Variants in KCNJ16 observed in about 807,000 individuals in gnomAD.
KCNJ16 encodes potassium inwardly rectifying channel subfamily J member 16, also known as inward rectifier potassium channel 16.
In KCNJ16, 15 loss-of-function variants were observed where a neutral mutation model predicts 18.5. The ratio of observed to expected loss-of-function variants is 0.81; its 90% CI spans 0.54 to 1.25. The LOEUF (loss-of-function observed/expected upper bound fraction) is 1.25. KCNJ16 is among the 50% of genes most tolerant of loss of function. The pLI, the probability that KCNJ16 is intolerant of heterozygous loss-of-function variation, is 0.00. For synonymous variants in KCNJ16, 174 were observed against 186.5 expected, an observed-to-expected ratio of 0.93 and a Z score of 0.55; for missense variants, 523 against 525.7, an observed-to-expected ratio of 0.99 and a Z score of 0.05.
intron 2 of KCNJ16, chr17:70,102,322 G>A (rs755412946): frequency 7.2e-6 from 1 of 138,160 alleles, no homozygotes; most frequent in Non-Finnish European, 1.5e-5. Flanking sequence ...CTGCCTCCCC[G>A]GTTCAAGCAA....
intron 1 of KCNJ16, among the ~76,000 whole-genome samples, chr17:70,076,546 A>G (rs1386326204): frequency 6.6e-6 from 1 of 152,210 alleles, no homozygotes; most frequent in African/African-American, 2.4e-5. Flanking sequence ...GATAAATCTA[A>G]GATTATTAGT....
Position 70,132,278 on chromosome 17 carries a change from C to T in KCNJ16, c.191C>T (p.Thr64Ile), listed in dbSNP as rs1362013257. The T allele has an allele frequency of 1.2e-6, 2 of 1,614,220 alleles. No homozygotes were observed. The highest frequency in any genetic ancestry group is 1.7e-6 in the Non-Finnish European group (2 of 1,180,034). ...AGCTATGTGGTTGACATCTTCACCA[C>T]TCTTGTGGACACCAAGTGGCGCCAT... ...WGSYVVDIFT[T>I]LVDTKWRHMF... The change falls in exon 4 of 4, where the codon ACT becomes ATT. Residue 64 changes from threonine (T) to isoleucine (I), a missense_variant. By Grantham distance (89) the Thr-to-Ile change is moderately conservative. Transcript: ENST00000392671.
Position 70,084,441 on chromosome 17 carries a change from T to G in KCNJ16, c.-300+9051T>G, listed in dbSNP as rs949069188. ...CTTCTTTAACACACATAAAATGAGA[T>G]TAATACACACAAACGAGCTTTGGAA... On this transcript the variant is annotated intron_variant, in intron 1 of 3. Transcript: ENST00000392671. 2.0e-5 allele frequency among the ~76,000 whole-genome samples: 3 copies of G among 152,162 alleles called. No individual in the cohort carries two copies. The South Asian group carries it at 6.2e-4, about 32-fold the overall frequency.
At chr17:70,113,056 C>CA (rs11414200) in intron 2 of KCNJ16, among the ~76,000 whole-genome samples, 1,861 of 152,216 alleles carry the variant, frequency 0.012, 43 homozygotes, top group African/African-American at 0.041. Context: ...TTCAAGGGAA[C>CA]AAAAAATCAG....
intron 2 of KCNJ16, among the ~76,000 whole-genome samples, chr17:70,103,574 C>T (rs1165355559): frequency 6.6e-6 from 1 of 151,982 alleles, no homozygotes; most frequent in Non-Finnish European, 1.5e-5. Context: ...ATAGCCTCCT[C>T]ATTTTCCCAG....
intron 2 of KCNJ16, among the ~76,000 whole-genome samples, chr17:70,129,068 C>CT (rs1261998208): frequency 6.6e-6 from 1 of 152,188 alleles, no homozygotes; most frequent in Non-Finnish European, 1.5e-5. Flanking sequence ...GGTCTTGAGC[C>CT]TTGGGACTGG....
intron 2 of KCNJ16, among the ~76,000 whole-genome samples, chr17:70,114,163 G>A (rs2073306451): frequency 6.6e-6 from 1 of 152,070 alleles, no homozygotes; most frequent in Admixed American, 6.6e-5. Flanking sequence ...AAGATGTCCT[G>A]AATTTTCATT....
chr17:70,130,911 T>G lies in KCNJ16; in HGVS notation c.-158T>G. 1 of 1,510,508 alleles carries G rather than the reference T, an allele frequency of 6.6e-7. No individual in the cohort carries two copies. The highest frequency in any genetic ancestry group is 1.2e-5 in the South Asian group (1 of 83,470). The allele number at this position is 1,510,508 out of a possible 1,614,324, so 93.6% of individuals were successfully genotyped here. A position where few individuals can be genotyped will look rare whatever the true frequency, so the allele number is the denominator to read the frequency against. ...TCAAGATGATTTTGATGTTGCAGTT[T>G]TAAATTTCACTTTGACTTGAGCTGG... On this transcript the variant is annotated 5_prime_UTR_variant, in exon 3 of 4. Coordinates refer to ENST00000392671, the MANE Select transcript of KCNJ16 (RefSeq NM_170741.4).
In KCNJ16 at chr17:70,133,205, C is replaced by A. The variant is rs773842490; in HGVS notation, c.1118C>A (p.Ser373Ter). 6.2e-7 allele frequency: 1 copy of A among 1,614,206 alleles called. No homozygotes were observed. The highest frequency in any genetic ancestry group is 8.5e-7 in the Non-Finnish European group (1 of 1,180,042). ...TCGGACACCAAGGCGAGACGAAGGT[C>A]ATTTAGTGCAGTTGCCATTGTCAGC... is the stretch of plus-strand genomic sequence containing the variant. Reference protein sequence around the residue: ...CTSDTKARRRSFSAVAIVSSC... With the variant: ...CTSDTKARRR The change falls in exon 4 of 4, where the codon TCA becomes TAA. Residue 373 changes from serine (S) to a stop codon, truncating the protein, a stop_gained. Transcript: ENST00000392671. LOFTEE classifies it high-confidence loss of function.
At chr17:70,101,766 T>C (rs540322213) in intron 2 of KCNJ16, 1 of 135,068 alleles carries the variant, frequency 7.4e-6, no homozygotes, top group Admixed American at 7.8e-5. Context: ...TGTTATGTTA[T>C]TTAGCCACTC....
chr17:70,093,706 T>G (rs2072227417), intron 1 of KCNJ16, among the ~76,000 whole-genome samples: 1 of 152,174 alleles, frequency 6.6e-6, no homozygotes, highest in Admixed American at 6.5e-5. Context: ...TTGTTTTCAT[T>G]TTCTTACTAA....
intron 1 of KCNJ16, among the ~76,000 whole-genome samples, chr17:70,080,421 A>C (rs1355885492): frequency 6.6e-6 from 1 of 152,176 alleles, no homozygotes; most frequent in Non-Finnish European, 1.5e-5. Flanking sequence ...CTATATATCC[A>C]ACAATAAATA....
intron 1 of KCNJ16, among the ~76,000 whole-genome samples, chr17:70,095,051 ATAT>A (rs2072292129): frequency 6.6e-6 from 1 of 152,186 alleles, no homozygotes; most frequent in African/African-American, 2.4e-5. Context: ...AAGCAATTAG[ATAT>A]TATTTTCTTG....
At chr17:70,092,592 T>TAGAC (rs1447572670) in intron 1 of KCNJ16, among the ~76,000 whole-genome samples, 1 of 151,524 alleles carries the variant, frequency 6.6e-6, no homozygotes, top group Non-Finnish European at 1.5e-5. Context: ...GATAGATAGA[T>TAGAC]AGATAGATAG....
chr17:70,119,881 C>T (rs2073562187), intron 2 of KCNJ16, among the ~76,000 whole-genome samples: 1 of 152,232 alleles, frequency 6.6e-6, no homozygotes, highest in African/African-American at 2.4e-5. Context: ...GCTCCACAGC[C>T]TGCTTGAATT....
chr17:70,093,538 T>C (rs1185258387), intron 1 of KCNJ16, among the ~76,000 whole-genome samples: 1 of 152,214 alleles, frequency 6.6e-6, no homozygotes, highest in Non-Finnish European at 1.5e-5. Context: ...AAATCAGGTC[T>C]CATTTGCAGG....
intron 2 of KCNJ16, among the ~76,000 whole-genome samples, chr17:70,105,834 A>G (rs2072898179): frequency 6.6e-6 from 1 of 152,194 alleles, no homozygotes; most frequent in South Asian, 2.1e-4. Flanking sequence ...GCACAAGTTG[A>G]AGGAAGGCAG....
intron 3 of KCNJ16, chr17:70,131,206 A>G (rs76529456): frequency 6.2e-5 from 46 of 745,040 alleles, no homozygotes; most frequent in African/African-American, 3.8e-4. Flanking sequence ...AAAAAAAAAA[A>G]AAAGAAAGAA....
intron 1 of KCNJ16, among the ~76,000 whole-genome samples, chr17:70,094,100 G>A (rs921254823): frequency 6.6e-6 from 1 of 152,154 alleles, no homozygotes; most frequent in Admixed American, 6.5e-5. Context: ...CATGACTCAG[G>A]TTTTCTTCCA....
Sources: gnomAD v4.1 joint callset for allele counts (sites outside exome capture counted in the v4.1 genomes callset) on GRCh38, gnomAD v4.1.1 for gene constraint, MANE v1.5 for transcripts, NCBI Gene and HGNC (gene_info 2026-07-23, HGNC 2026-07-21) for gene names.